The following TMEM178B variants were observed in gnomAD, a reference collection of about 807,000 sequenced individuals.
The protein encoded by TMEM178B is transmembrane protein 178B.
Under a neutral mutation model 31.0 loss-of-function variants are expected in TMEM178B, and 5 were observed. The ratio of observed to expected loss-of-function variants is 0.16; its 90% confidence interval spans 0.08 to 0.34. The LOEUF is 0.34. Among genes scored for constraint, TMEM178B ranks in the 10% least tolerant of loss-of-function variants. The pLI is 1.00. For missense variants in TMEM178B, 275 were observed against 400.3 expected (o/e 0.69, Z 2.67); for synonymous variants, 164 against 164.0 (o/e 1.00, Z 0.00).
At chr7:141,155,802 C>T (rs1796060072) in intron 1 of TMEM178B, among the ~76,000 whole-genome samples, 1 of 152,172 alleles carries the variant, frequency 6.6e-6, no homozygotes, top group Non-Finnish European at 1.5e-5. Flanking sequence ...TGGTGGCTCA[C>T]ATCTGTAATC....
At chr7:141,231,455 C>T (rs577489144) in intron 2 of TMEM178B, among the ~76,000 whole-genome samples, 1 of 152,126 alleles carries the variant, frequency 6.6e-6, no homozygotes, top group South Asian at 2.1e-4. Context: ...AGTATGTAAC[C>T]TGAAAAAAAA....
chr7:141,192,271 G>A (rs1274076199), intron 1 of TMEM178B, among the ~76,000 whole-genome samples: 1 of 152,152 alleles, frequency 6.6e-6, no homozygotes, highest in Admixed American at 6.5e-5. Context: ...AGGGCTCCAG[G>A]TCTGCAGGGA....
chr7:141,099,454 T>C (rs1192661897), intron 1 of TMEM178B, among the ~76,000 whole-genome samples: 4 of 152,238 alleles, frequency 2.6e-5, no homozygotes, highest in Non-Finnish European at 5.9e-5. Context: ...GTTTGCACAT[T>C]AATTCATCCT....
intron 3 of TMEM178B, among the ~76,000 whole-genome samples, chr7:141,457,345 A>G (rs746712706): frequency 6.6e-6 from 1 of 152,232 alleles, no homozygotes; most frequent in Non-Finnish European, 1.5e-5. Flanking sequence ...ATATCCTAAT[A>G]TACCCACATA....
chr7:141,118,327 G>C (rs1795352637), intron 1 of TMEM178B, among the ~76,000 whole-genome samples: 1 of 152,236 alleles, frequency 6.6e-6, no homozygotes, highest in Non-Finnish European at 1.5e-5. Context: ...AGAGCCCTGA[G>C]TCTAGATTCA....
chr7:141,107,341 T>C (rs143625740), intron 1 of TMEM178B, among the ~76,000 whole-genome samples: 156 of 152,276 alleles, frequency 1.0e-3, no homozygotes, highest in Non-Finnish European at 1.7e-3. Flanking sequence ...TCAAGGATCA[T>C]TCTGGGTACT....
At position 141,287,469 on chromosome 7, in the gene TMEM178B, C is replaced by T. The variant is rs1196551958; in HGVS notation, c.496+74765C>T. On this transcript the variant is annotated intron_variant, in intron 2 of 3. Coordinates refer to ENST00000565468, the MANE Select transcript of TMEM178B (RefSeq NM_001195278.2). ...TGATATAGGTCATAAAAACTAGCAG[C>T]GTAGTTGTCCCTCTTAAAATATAGA... Among the ~76,000 whole-genome samples the T allele has an allele frequency of 5.9e-5, 9 of 152,266 alleles. No homozygotes were observed. In the East Asian group the frequency reaches 9.6e-4, roughly 16 times the overall value.
At chr7:141,420,530 G>A (rs1003763166) in intron 2 of TMEM178B, among the ~76,000 whole-genome samples, 2 of 152,100 alleles carry the variant, frequency 1.3e-5, no homozygotes, top group African/African-American at 4.8e-5. Context: ...TCAAAAATAA[G>A]TCAATAGAGC....
intron 1 of TMEM178B, among the ~76,000 whole-genome samples, chr7:141,098,787 C>T (rs770772469): frequency 4.6e-5 from 7 of 152,158 alleles, no homozygotes; most frequent in Non-Finnish European, 8.8e-5. Context: ...ATGTGCGTAT[C>T]TGCATTAGAT....
chr7:141,278,838 G>A (rs1013210493), intron 2 of TMEM178B, among the ~76,000 whole-genome samples: 3 of 152,096 alleles, frequency 2.0e-5, no homozygotes, highest in African/African-American at 7.2e-5. Flanking sequence ...AAGAATAATC[G>A]TGTAGAAGAA....
At position 141,429,192 on chromosome 7, in the gene TMEM178B, G is replaced by A. The variant is rs927780391; in HGVS notation, c.497-8416G>A. On this transcript the variant is annotated intron_variant, in intron 2 of 3. Transcript: ENST00000565468. ...TATATACCCAAAGAAATTGAAATCA[G>A]TATGTTAACGAGATATCTGCACTTT... is the stretch of plus-strand genomic sequence containing the variant. Among the ~76,000 whole-genome samples, 3 of 152,146 alleles carry A rather than the reference G, an allele frequency of 2.0e-5. No homozygotes were observed. In the South Asian group the frequency reaches 6.2e-4, roughly 32 times the overall value.
At chr7:141,312,500 T>A (rs1466096362) in intron 2 of TMEM178B, among the ~76,000 whole-genome samples, 3 of 152,138 alleles carry the variant, frequency 2.0e-5, no homozygotes, top group African/African-American at 7.2e-5. Context: ...GTTCTTTGAG[T>A]TGGGAAATAA....
At chr7:141,185,209 G>A (rs1350171857) in intron 1 of TMEM178B, among the ~76,000 whole-genome samples, 4 of 152,316 alleles carry the variant, frequency 2.6e-5, no homozygotes, top group Admixed American at 1.3e-4. Context: ...TAGTTTAGCC[G>A]TCCGTAGGTG....
intron 2 of TMEM178B, among the ~76,000 whole-genome samples, chr7:141,369,349 GT>G (rs1563163927): frequency 1.3e-5 from 2 of 150,350 alleles, no homozygotes; most frequent in Non-Finnish European, 3.0e-5. Context: ...GTGTGTGTGT[GT>G]GTGTGTGTAT....
At chr7:141,260,441 C>T (rs1461793012) in intron 2 of TMEM178B, among the ~76,000 whole-genome samples, 3 of 152,042 alleles carry the variant, frequency 2.0e-5, no homozygotes, top group Admixed American at 1.3e-4. Flanking sequence ...TCCCCCAGTT[C>T]TATCACCGTT....
At chr7:141,220,310 CAAATAATAATAATAATAATAA>C (rs1232794140) in intron 2 of TMEM178B, among the ~76,000 whole-genome samples, 16 of 118,210 alleles carry the variant, frequency 1.4e-4, no homozygotes, top group Non-Finnish European at 2.6e-4. Context: ...AACTCCATCT[CAAATAATAATAATAATAATAA>C]TAATAATAAT....
intron 1 of TMEM178B, among the ~76,000 whole-genome samples, chr7:141,075,114 TCA>T (rs1469123831): frequency 6.6e-6 from 1 of 152,188 alleles, no homozygotes; most frequent in African/African-American, 2.4e-5. Flanking sequence ...GGGAAACATT[TCA>T]CAGAGAAGGC....
chr7:141,283,027 A>C (rs1043276276), intron 2 of TMEM178B, among the ~76,000 whole-genome samples: 1 of 152,106 alleles, frequency 6.6e-6, no homozygotes, highest in African/African-American at 2.4e-5. Context: ...GCTTCCTCTA[A>C]TCTATGAGGG....
chr7:141,142,360 A>G (rs11984188), intron 1 of TMEM178B, among the ~76,000 whole-genome samples: 9,163 of 151,846 alleles, frequency 0.06, 935 homozygotes, highest in African/African-American at 0.21. Flanking sequence ...AGGAACATAT[A>G]AGTACATGTG....
Sources: gnomAD v4.1 joint callset for allele counts (sites outside exome capture counted in the v4.1 genomes callset) on GRCh38, gnomAD v4.1.1 for gene constraint, MANE v1.5 for transcripts, NCBI Gene and HGNC (gene_info 2026-07-23, HGNC 2026-07-21) for gene names.